ZNF655: variants seen among roughly 807,000 people sequenced by gnomAD.
ZNF655 encodes zinc finger protein 655, also known as Vav-interacting Kruppel-like protein 1.
Under a neutral mutation model 6.6 loss-of-function variants are expected in ZNF655, and 3 were observed. The ratio of observed to expected loss-of-function variants is 0.46; its 90% CI spans 0.21 to 1.18. The LOEUF (loss-of-function observed/expected upper bound fraction) is 1.18, where lower values mean the gene tolerates loss of function less well. Among genes scored for constraint, ZNF655 ranks in the 50% most tolerant of loss-of-function variants. The probability of loss-of-function intolerance (pLI) is 0.24; values close to 1 mark genes in which losing one functional copy is unlikely to be tolerated. For missense variants in ZNF655, 526 were observed against 572.3 expected (o/e 0.92, Z 0.83); for synonymous variants, 178 against 195.0 (o/e 0.91, Z 0.73).
At chr7:99,571,678 C>T (rs370167292) in intron 2 of ZNF655, 75 of 1,597,188 alleles carry the variant, frequency 4.7e-5, no homozygotes, top group Non-Finnish European at 6.1e-5. Flanking sequence ...ATTTCCTTCT[C>T]TATGAGCAGG....
Position 99,573,660 on chromosome 7 carries a change from C to T in ZNF655, c.*76C>T, listed in dbSNP as rs1297040652. 6.7e-7 allele frequency: 1 copy of T among 1,495,314 alleles called. No individual in the cohort carries two copies. Among genetic ancestry groups the T allele is most frequent in the Non-Finnish European group, 9.0e-7 (1 of 1,115,082 alleles). The allele number at this position is 1,495,314 out of a possible 1,614,324, so 92.6% of individuals were successfully genotyped here. ...CTGAGAGTTCACACCAGGGAGAAAT[C>T]ATGTATGTACTGCATGTGGTAAAGC... On this transcript the variant is annotated 3_prime_UTR_variant, in exon 3 of 3. Transcript: ENST00000252713.
At chr7:99,561,951 C>G in intron 2 of ZNF655, 1 of 1,595,036 alleles carries the variant, frequency 6.3e-7, no homozygotes, top group South Asian at 1.1e-5. Flanking sequence ...CAGGCAGCTG[C>G]GCTCTTGACA....
At position 99,575,656 on chromosome 7, in the gene ZNF655, A is replaced by G. The variant is rs1804357007; in HGVS notation, c.*2072A>G. 1 of 152,208 alleles carries G rather than the reference A, an allele frequency of 6.6e-6. No individual in the cohort carries two copies. The highest frequency in any genetic ancestry group is 1.5e-5 in the Non-Finnish European group (1 of 68,040). The allele number at this position is 152,208 out of a possible 1,614,324, so 9.4% of individuals were successfully genotyped here. A position where few individuals can be genotyped will look rare whatever the true frequency, so the allele number is the denominator to read the frequency against. On this transcript the variant is annotated 3_prime_UTR_variant, in exon 3 of 3. Coordinates refer to ENST00000252713, the MANE Select transcript of ZNF655 (RefSeq NM_138494.3). Reference sequence around the variant, plus strand: ...GATGCTGTTCGTATGTTAATCTCAGAGACAGTATTTCAAGAGAGTGGCAGG... The same window carrying G: ...GATGCTGTTCGTATGTTAATCTCAGGGACAGTATTTCAAGAGAGTGGCAGG...
chr7:99,573,512 A>G lies in ZNF655; in HGVS notation c.1404A>G (p.Val468=). The G allele has an allele frequency of 6.2e-7, 1 of 1,611,950 alleles. No homozygotes were observed. The highest frequency in any genetic ancestry group is 8.5e-7 in the Non-Finnish European group (1 of 1,179,994). Residue 468 remains valine, a synonymous_variant, in exon 3 of 3, where the codon GTA becomes GTG. Coordinates refer to ENST00000252713, the MANE Select transcript of ZNF655 (RefSeq NM_138494.3). ...GACAGAAAGCCTTTGATTGTGATGT[A>G]TGGGAAAAGAACTCCAGTCAGAGAG... is the stretch of plus-strand genomic sequence containing the variant. ...LTRQKAFDCD[V]WEKNSSQRAH... is the part of the protein sequence containing the mutation.
At chr7:99,571,447 A>G (rs1469234584) in intron 2 of ZNF655, 2 of 1,252,910 alleles carry the variant, frequency 1.6e-6, no homozygotes, top group South Asian at 3.1e-5. Context: ...CTGTTGTCTG[A>G]ATAATATTTA....
At chr7:99,560,819 A>G in intron 2 of ZNF655, 124 bp downstream of exon 2, 1 of 1,258,530 alleles carries the variant, frequency 7.9e-7, no homozygotes, top group South Asian at 1.5e-5. Flanking sequence ...TAGAGGGAGG[A>G]ATGAAAGAGG....
chr7:99,561,934 AG>A (rs1562931802), intron 2 of ZNF655: 1 of 1,597,784 alleles, frequency 6.3e-7, no homozygotes, highest in East Asian at 2.3e-5. Context: ...AGGGAAGCCC[AG>A]GAGACCAGGC....
Position 99,575,789 on chromosome 7 carries a change from A to G in ZNF655, c.*2205A>G, listed in dbSNP as rs1804362929. The G allele has an allele frequency of 6.6e-6, 1 of 152,196 alleles. No homozygotes were observed. Among genetic ancestry groups the G allele is most frequent in the South Asian group, 2.1e-4 (1 of 4,830 alleles). 9.4% of individuals were successfully genotyped at this position (152,196 alleles called of 1,614,324 possible). On this transcript the variant is annotated 3_prime_UTR_variant, in exon 3 of 3. Coordinates refer to ENST00000252713, the MANE Select transcript of ZNF655 (RefSeq NM_138494.3). ...TTTGAAGTGTGAGGGCTTTGTGTAT[A>G]GTTGTTTATCCATTACCACATTTTT...
At chr7:99,567,700 T>C (rs1447166990) in intron 2 of ZNF655, among the ~76,000 whole-genome samples, 1 of 152,202 alleles carries the variant, frequency 6.6e-6, no homozygotes, top group Non-Finnish European at 1.5e-5. Context: ...CTCATTTTCT[T>C]GGTTTATAAA....
Position 99,566,041 on chromosome 7 carries a change from G to GTGTGTGTGTGTATA in ZNF655, c.136+5347_136+5348insGTGTGTGTGTATAT, listed in dbSNP as rs59166250. On this transcript the variant is annotated intron_variant, in intron 2 of 2. Transcript: ENST00000252713. Reference sequence around the variant, plus strand: ...TTTATATGTGTGTGTGTGTGTGTGTGTATATATATATATAAAGGATATGTG... The same window carrying GTGTGTGTGTGTATA: ...TTTATATGTGTGTGTGTGTGTGTGTGTGTGTGTGTGTATATATATATATATATAAAGGATATGTG... 3.0e-3 allele frequency among the ~76,000 whole-genome samples: 456 copies of GTGTGTGTGTGTATA among 149,972 alleles called. 2 individuals are homozygous for GTGTGTGTGTGTATA. Among genetic ancestry groups the GTGTGTGTGTGTATA allele is most frequent in the African/African-American group, 0.01 (416 of 40,772 alleles).
intron 2 of ZNF655, chr7:99,570,800 T>G (rs146296501): frequency 0.01 from 1,572 of 152,604 alleles, 13 homozygotes; most frequent in Non-Finnish European, 0.016. Context: ...ACCTTGTATG[T>G]GTGCTATTAG....
Position 99,572,658 on chromosome 7 carries a change from T to A in ZNF655, c.550T>A (p.Phe184Ile). ...TGAACACTTAAATCTAACAGAGGAT[T>A]TTCAGAGTAGTGAATGTAAGGAAAG... ...KHEHLNLTED[F>I]QSSECKESLM... The change falls in exon 3 of 3, where the codon TTT becomes ATT. Residue 184 changes from phenylalanine to isoleucine, a missense_variant. Transcript: ENST00000252713. 3.7e-6 allele frequency: 6 copies of A among 1,613,780 alleles called. No individual in the cohort carries two copies. Among genetic ancestry groups the A allele is most frequent in the Non-Finnish European group, 5.1e-6 (6 of 1,179,942 alleles).
chr7:99,559,700 T>C (rs2151140669), intron 1 of ZNF655, among the ~76,000 whole-genome samples: 1 of 152,132 alleles, frequency 6.6e-6, no homozygotes, highest in South Asian at 2.1e-4. Flanking sequence ...CAGTCATAGC[T>C]CACTGCAGCC....
At chr7:99,563,295 A>T (rs1202157082) in intron 2 of ZNF655, 1 of 253,548 alleles carries the variant, frequency 3.9e-6, no homozygotes, top group Non-Finnish European at 7.7e-6. Context: ...TCTTTAGTTT[A>T]TTTTTTATAT....
intron 2 of ZNF655, among the ~76,000 whole-genome samples, chr7:99,567,631 A>G (rs558688075): frequency 4.5e-4 from 68 of 152,234 alleles, no homozygotes; most frequent in African/African-American, 1.5e-3. Context: ...ATAAACTGGG[A>G]TCAAGCTTGG....
chr7:99,571,531 C>T, intron 2 of ZNF655: 1 of 1,034,692 alleles, frequency 9.7e-7, no homozygotes, highest in Non-Finnish European at 1.3e-6. Context: ...ATCTGAGCTC[C>T]TTGTAGATCT....
At chr7:99,569,477 C>T (rs1269406281) in intron 2 of ZNF655, among the ~76,000 whole-genome samples, 3 of 151,276 alleles carry the variant, frequency 2.0e-5, no homozygotes, top group Non-Finnish European at 4.4e-5. Flanking sequence ...TTTTTTTTTA[C>T]TAGCAGATTG....
In ZNF655 at chr7:99,573,258, G is replaced by C. The variant is rs1804215592; in HGVS notation, c.1150G>C (p.Glu384Gln). 1 of 1,614,150 alleles carries C rather than the reference G, an allele frequency of 6.2e-7. No individual in the cohort carries two copies. The highest frequency in any genetic ancestry group is 1.7e-5 in the Admixed American group (1 of 60,030). The change falls in exon 3 of 3, where the codon GAA (glutamate) becomes CAA (glutamine). Residue 384 changes from glutamate to glutamine, a missense_variant. Transcript: ENST00000252713. ...CAGAGAAAAGCCCTATACGTGTAGTGAATGTGGAAAAGACTTCAGATTGAA... is the reference window on the plus strand; with the variant it reads ...CAGAGAAAAGCCCTATACGTGTAGTCAATGTGGAAAAGACTTCAGATTGAA... ...HFREKPYTCS[E>Q]CGKDFRLNSH... is the part of the protein sequence containing the mutation.
intron 2 of ZNF655, among the ~76,000 whole-genome samples, chr7:99,562,727 T>C (rs1803298265): frequency 6.6e-6 from 1 of 152,112 alleles, no homozygotes; most frequent in African/African-American, 2.4e-5. Flanking sequence ...TTTATGGCCA[T>C]TGTGGGGCAT....
Sources: allele counts gnomAD v4.1 joint callset (sites outside exome capture counted in the v4.1 genomes callset), GRCh38; gene constraint gnomAD v4.1.1; transcripts MANE v1.5; gene names NCBI Gene and HGNC (gene_info 2026-07-23, HGNC 2026-07-21).